UACA: variants seen among roughly 807,000 people sequenced by gnomAD.
UACA encodes uveal autoantigen with coiled-coil domains and ankyrin repeats.
A neutral mutation model predicts 160.5 loss-of-function variants in UACA; 112 were observed. The ratio of observed to expected loss-of-function variants is 0.70; its 90% CI spans 0.60 to 0.82. The LOEUF (loss-of-function observed/expected upper bound fraction) is 0.82, where lower values mean the gene tolerates loss of function less well. UACA is among the 40% of genes least tolerant of loss of function. UACA has a pLI of 0.00. For missense variants in UACA, 1,574 were observed against 1,614.6 expected, an observed-to-expected ratio of 0.97 and a Z score of 0.43; for synonymous variants, 557 against 568.4, an observed-to-expected ratio of 0.98 and a Z score of 0.29.
At chr15:70,762,744 C>T (rs765377934) in intron 1 of UACA, among the ~76,000 whole-genome samples, 1 of 152,264 alleles carries the variant, frequency 6.6e-6, no homozygotes, top group Non-Finnish European at 1.5e-5. Context: ...ATTCCCTCTG[C>T]CTCGCTGGGG....
chr15:70,766,118 G>A (rs557666126), upstream of UACA, among the ~76,000 whole-genome samples: 4 of 152,296 alleles, frequency 2.6e-5, no homozygotes, highest in Middle Eastern at 3.4e-3. Context: ...TGTCCCCATG[G>A]TGTCTGTGTC....
intron 13 of UACA, among the ~76,000 whole-genome samples, chr15:70,672,668 G>A (rs1454321070): frequency 1.3e-5 from 2 of 152,140 alleles, no homozygotes; most frequent in Non-Finnish European, 2.9e-5. Flanking sequence ...CACTTCAAGG[G>A]TAAGAATAGG....
chr15:70,675,305 T>C (rs1247606755), intron 13 of UACA, among the ~76,000 whole-genome samples: 2 of 152,202 alleles, frequency 1.3e-5, no homozygotes, highest in Non-Finnish European at 2.9e-5. Context: ...AGTCTTCAAA[T>C]GTGAAGAAGA....
intron 1 of UACA, among the ~76,000 whole-genome samples, chr15:70,744,554 G>C (rs1401092725): frequency 3.5e-4 from 53 of 152,092 alleles, no homozygotes; most frequent in Admixed American, 3.5e-3. Flanking sequence ...GCTATTAATG[G>C]AATAAAAGCT....
intron 8 of UACA, 101 bp from the exon 9 acceptor site, chr15:70,682,896 CT>C: frequency 3.0e-6 from 2 of 669,582 alleles, no homozygotes; most frequent in Admixed American, 6.6e-5. Context: ...AATAAATAAA[CT>C]TTAGAGTTTC....
rs372114429 is a variant in UACA, at chr15:70,668,117, C to T, written c.2567G>A (p.Ser856Asn). 39 of 1,613,576 alleles carry T rather than the reference C, an allele frequency of 2.4e-5. No homozygotes were observed. The highest frequency in any genetic ancestry group is 3.2e-5 in the Non-Finnish European group (38 of 1,179,944). The change falls in exon 16 of 19, where the codon AGT becomes AAT. Residue 856 changes from serine to asparagine, a missense_variant. Coordinates refer to ENST00000322954, the MANE Select transcript of UACA (RefSeq NM_018003.4). ...GGTTTTAACTGGCACATACTGATTA[C>T]TCATCATCTTCTTCAAGTTAGTGTT... ...SENTNLKKMM[S>N]NQYVPVKTHE...
Position 70,684,277 on chromosome 15 carries a change from T to C in UACA, c.772A>G (p.Asn258Asp). 6.2e-7 allele frequency: 1 copy of C among 1,604,648 alleles called. No individual in the cohort carries two copies. Among genetic ancestry groups the C allele is most frequent in the South Asian group, 1.1e-5 (1 of 88,826 alleles). ...ILTLLKTASE[N>D]TNKGRELWKK... Reference sequence around the variant, plus strand: ...AAACTGCTGATACCTTTGTTGGTATTTTCCGATGCAGTCTTCAACAAGGTT... The same window carrying C: ...AAACTGCTGATACCTTTGTTGGTATCTTCCGATGCAGTCTTCAACAAGGTT... The change falls in exon 8 of 19, where the codon AAT becomes GAT. Residue 258 changes from asparagine to aspartate, a missense_variant. Coordinates refer to ENST00000322954, the MANE Select transcript of UACA (RefSeq NM_018003.4).
In UACA at chr15:70,666,754, A is replaced by G. The variant is rs1896921545; in HGVS notation, c.3930T>C (p.Ser1310=). ...TATCTTTTGCTTCTATTTGTTTAGC[A>G]GATTCTTGTATTCTTCTTTGTAACT... The part of the protein sequence containing the change: ...ITELQRRIQE[S]AKQIEAKDNK... The change falls in exon 16 of 19, where the codon TCT becomes TCC. Residue 1310 remains serine (S), a synonymous_variant. Coordinates refer to ENST00000322954, the MANE Select transcript of UACA (RefSeq NM_018003.4). The G allele has an allele frequency of 6.2e-6, 10 of 1,607,446 alleles. No individual in the cohort carries two copies. The highest frequency in any genetic ancestry group is 8.5e-6 in the Non-Finnish European group (10 of 1,178,440).
chr15:70,747,502 G>A lies in UACA; in HGVS notation c.78+15828C>T, dbSNP rs570480573. Among the ~76,000 whole-genome samples the A allele has an allele frequency of 1.5e-3, 230 of 152,028 alleles. 1 individual carries two copies. The highest frequency in any genetic ancestry group is 5.1e-3 in the African/African-American group (211 of 41,488). ...CTCCTGCCTCAGCCTCCCAAGTAGCGGGGACTACAAACACACCTGGCTAAT... is the reference window on the plus strand; with the variant it reads ...CTCCTGCCTCAGCCTCCCAAGTAGCAGGGACTACAAACACACCTGGCTAAT... On this transcript the variant is annotated intron_variant, in intron 1 of 18. Coordinates refer to ENST00000322954, the MANE Select transcript of UACA (RefSeq NM_018003.4).
chr15:70,763,401 TCTTCATGGCTAACTCTTGCCTGGCCCC>T lies in UACA; in HGVS notation c.-21_6del, dbSNP rs2030900444. 7.6e-7 allele frequency: 1 copy of T among 1,320,132 alleles called. No individual in the cohort carries two copies. The highest frequency in any genetic ancestry group is 4.2e-5 in the Admixed American group (1 of 23,902). The allele number at this position is 1,320,132 out of a possible 1,614,324, so 81.8% of individuals were successfully genotyped here. ...TGCCTCCTCAGGCGGGACTTGAGGCTCTTCATGGCTAACTCTTGCCTGGCCCCCGCGCGAACCTTAAAGGCTGCGGAG... is the reference window on the plus strand; with the variant it reads ...TGCCTCCTCAGGCGGGACTTGAGGCTCGCGCGAACCTTAAAGGCTGCGGAG... On this transcript the variant is annotated start_lost and 5_prime_UTR_variant, in exon 1 of 19. Transcript: ENST00000322954.
At chr15:70,697,772 C>T (rs1898181951) in intron 2 of UACA, among the ~76,000 whole-genome samples, 1 of 152,140 alleles carries the variant, frequency 6.6e-6, no homozygotes, top group South Asian at 2.1e-4. Flanking sequence ...TACTCTTGGC[C>T]GGGCACAGTG....
chr15:70,669,200 A>C lies in UACA; in HGVS notation c.1484T>G (p.Leu495Ter), dbSNP rs1897051021. Reference sequence around the variant, plus strand: ...CTGCACATCTTTTAATGCATCTTCTAATTGCTTTATCTGTTCATCTGAATC... The same window carrying C: ...CTGCACATCTTTTAATGCATCTTCTCATTGCTTTATCTGTTCATCTGAATC... ...KEDSDEQIKQ[L>*]EDALKDVQKR... Residue 495 changes from leucine to a stop codon, truncating the protein, a stop_gained, in exon 16 of 19, where the codon TTA (leucine) becomes TGA (stop). Transcript: ENST00000322954. LOFTEE classifies it high-confidence loss of function. 1 of 1,613,882 alleles carries C rather than the reference A, an allele frequency of 6.2e-7. No homozygotes were observed. The highest frequency in any genetic ancestry group is 8.5e-7 in the Non-Finnish European group (1 of 1,179,982).
chr15:70,720,888 A>G (rs1219181632), intron 1 of UACA, among the ~76,000 whole-genome samples: 1 of 152,202 alleles, frequency 6.6e-6, no homozygotes, highest in Non-Finnish European at 1.5e-5. Flanking sequence ...AAGATTTAAC[A>G]GTATCACAAG....
rs568493117 is a variant in UACA, at chr15:70,665,648, C to T, written c.3961-834G>A. ...AGAAAATGAAATGCAATTACATGCA[C>T]CCGCTCAATAAATGGCAACAAGTAG... On this transcript the variant is annotated intron_variant, in intron 16 of 18. Transcript: ENST00000322954. Among the ~76,000 whole-genome samples the T allele has an allele frequency of 2.6e-5, 4 of 152,112 alleles. No individual in the cohort carries two copies. In the East Asian group the frequency reaches 7.7e-4, roughly 29 times the overall value.
chr15:70,672,470 GA>G (rs1361352334), intron 13 of UACA, among the ~76,000 whole-genome samples: 2 of 152,162 alleles, frequency 1.3e-5, no homozygotes, highest in East Asian at 3.9e-4. Context: ...CAAGTACTTT[GA>G]AAGTAAAAAG....
intron 17 of UACA, among the ~76,000 whole-genome samples, chr15:70,661,903 C>G (rs1896718758): frequency 2.0e-5 from 3 of 152,160 alleles, no homozygotes; most frequent in African/African-American, 7.2e-5. Context: ...CAGCCAATAT[C>G]ATACTGAATG....
chr15:70,744,239 ACT>A (rs1274634660), intron 1 of UACA, among the ~76,000 whole-genome samples: 2 of 132,444 alleles, frequency 1.5e-5, no homozygotes, highest in African/African-American at 3.1e-5. Context: ...ACAGAGCAAG[ACT>A]CTGTCTCAAA....
chr15:70,695,070 C>T lies in UACA; in HGVS notation c.248G>A (p.Cys83Tyr). 1 of 1,609,888 alleles carries T rather than the reference C, an allele frequency of 6.2e-7. No individual in the cohort carries two copies. The highest frequency in any genetic ancestry group is 2.2e-5 in the East Asian group (1 of 44,622). The part of the protein sequence containing the change: ...HVVTSKGNLE[C>Y]LNAILIHGVD... ...TCCATGTATAAGGATGGCATTCAAA[C>T]ACTCAAGATTCCCCTTTGAGGTCAC... Residue 83 changes from cysteine (C) to tyrosine (Y), a missense_variant, in exon 3 of 19, where the codon TGT (cysteine) becomes TAT (tyrosine). Cys to Tyr is a radical substitution (Grantham distance 194). Coordinates refer to ENST00000322954, the MANE Select transcript of UACA (RefSeq NM_018003.4).
Position 70,718,324 on chromosome 15 carries a change from A to ATGTATGTGTG in UACA, c.79-18665_79-18664insCACACATACA, listed in dbSNP as rs1491091552. On this transcript the variant is annotated intron_variant, in intron 1 of 18. Coordinates refer to ENST00000322954, the MANE Select transcript of UACA (RefSeq NM_018003.4). The stretch of plus-strand genomic sequence containing the variant: ...AGAGGGAGAGGGAGAGAGAGAGAGA[A>ATGTATGTGTG]TGTGTGTGTGTGTGTGTGTGTGTGT... Among the ~76,000 whole-genome samples the ATGTATGTGTG allele has an allele frequency of 9.0e-4, 54 of 60,230 alleles. No individual in the cohort carries two copies. The Admixed American group carries it at 0.01, about 12-fold the overall frequency. The allele number at this position is 60,230 out of a possible 152,430, so 39.5% of individuals were successfully genotyped here. A position where few individuals can be genotyped will look rare whatever the true frequency, so the allele number is the denominator to read the frequency against.
Sources: allele counts gnomAD v4.1 joint callset (sites outside exome capture counted in the v4.1 genomes callset), GRCh38; gene constraint gnomAD v4.1.1; transcripts MANE v1.5; gene names NCBI Gene and HGNC (gene_info 2026-07-23, HGNC 2026-07-21).